The following TIFAB variants were observed in gnomAD, a reference collection of about 807,000 sequenced individuals.
The protein encoded by TIFAB is TRAF-interacting protein with FHA domain-containing protein B.
For synonymous variants in TIFAB, 116 were observed against 95.2 expected, an observed-to-expected ratio of 1.22 and a Z score of -1.27; for missense variants, 222 against 203.6, an observed-to-expected ratio of 1.09 and a Z score of -0.55.
chr5:135,447,394 G>A lies in TIFAB; in HGVS notation c.*2060C>T, dbSNP rs1769290563. The A allele has an allele frequency of 2.0e-6, 1 of 489,478 alleles. No homozygotes were observed. Among genetic ancestry groups the A allele is most frequent in the South Asian group, 2.3e-5 (1 of 44,104 alleles). The allele number at this position is 489,478 out of a possible 1,614,324, so 30.3% of individuals were successfully genotyped here. A position where few individuals can be genotyped will look rare whatever the true frequency, so the allele number is the denominator to read the frequency against. ...GAGTCTTCCTTAGCTCCGTGTGGAT[G>A]GTGAGCCCTCCTCTCTCAGGTCTCA... On this transcript the variant is annotated 3_prime_UTR_variant, in exon 2 of 2. Transcript: ENST00000537858.
rs1280603990 is a variant in TIFAB at position 135,447,205 on chromosome 5, T to G, written c.*2249A>C. 1 of 1,471,636 alleles carries G rather than the reference T, an allele frequency of 6.8e-7. No homozygotes were observed. Among genetic ancestry groups the G allele is most frequent in the Non-Finnish European group, 9.4e-7 (1 of 1,066,040 alleles). The allele number at this position is 1,471,636 out of a possible 1,614,324, so 91.2% of individuals were successfully genotyped here. Reference sequence around the variant, plus strand: ...TCTCCTTGCCAGCCCTACCAGGGCATCTCCCATTATACTAACCCTGCCTAT... The same window carrying G: ...TCTCCTTGCCAGCCCTACCAGGGCAGCTCCCATTATACTAACCCTGCCTAT... On this transcript the variant is annotated 3_prime_UTR_variant, in exon 2 of 2. Coordinates refer to ENST00000537858, the MANE Select transcript of TIFAB (RefSeq NM_001099221.2).
In TIFAB at chr5:135,444,316, C is replaced by G. The variant is rs6866579; in HGVS notation, c.*5138G>C. The G allele has an allele frequency of 6.6e-6, 1 of 152,200 alleles. No individual in the cohort carries two copies. Among genetic ancestry groups the G allele is most frequent in the Non-Finnish European group, 1.5e-5 (1 of 68,046 alleles). 9.4% of individuals were successfully genotyped at this position (152,200 alleles called of 1,614,324 possible). ...CAATTCAAATAGGGTTCATTAAATT[C>G]GGCATCTCCTCTTAACTGGGCTGGG... is the stretch of plus-strand genomic sequence containing the variant. On this transcript the variant is annotated 3_prime_UTR_variant, in exon 2 of 2. Transcript: ENST00000537858.
intron 1 of TIFAB, among the ~76,000 whole-genome samples, chr5:135,451,038 C>A (rs1230890795): frequency 6.6e-6 from 1 of 152,248 alleles, no homozygotes; most frequent in Non-Finnish European, 1.5e-5. Context: ...GAGTTCCTCT[C>A]TTCCTGCCCC....
Position 135,449,800 on chromosome 5 carries a change from T to A in TIFAB, c.140A>T (p.Gln47Leu), listed in dbSNP as rs771424117. The A allele has an allele frequency of 3.7e-6, 6 of 1,610,420 alleles. No homozygotes were observed. The highest frequency in any genetic ancestry group is 1.7e-5 in the Admixed American group (1 of 59,942). Residue 47 changes from glutamine (Q) to leucine (L), a missense_variant, in exon 2 of 2, where the codon CAG becomes CTG. Physicochemically the swap from Gln to Leu is moderately radical, Grantham distance 113. Transcript: ENST00000537858. ...LLGRGQDAHL[Q>L]LQLPRLSRRH... ...GCGGGAGAGGCGAGGGAGCTGCAGCTGGAGGTGGGCGTCCTGCCCCCGTCC... is the reference window on the plus strand; with the variant it reads ...GCGGGAGAGGCGAGGGAGCTGCAGCAGGAGGTGGGCGTCCTGCCCCCGTCC...
At position 135,447,580 on chromosome 5, in the gene TIFAB, A is replaced by C; in HGVS notation, c.*1874T>G. The C allele has an allele frequency of 5.8e-6, 1 of 173,692 alleles. No homozygotes were observed. Among genetic ancestry groups the C allele is most frequent in the Non-Finnish European group, 1.2e-5 (1 of 80,406 alleles). 10.8% of individuals were successfully genotyped at this position (173,692 alleles called of 1,614,324 possible). On this transcript the variant is annotated 3_prime_UTR_variant, in exon 2 of 2. Transcript: ENST00000537858. Reference sequence around the variant, plus strand: ...AAGAGCAGACTAAATCACTTGCCCAAATCGCATAGCTACTGATGGTGTGAT... The same window carrying C: ...AAGAGCAGACTAAATCACTTGCCCACATCGCATAGCTACTGATGGTGTGAT...
chr5:135,445,590 G>C lies in TIFAB; in HGVS notation c.*3864C>G, dbSNP rs1176665999. On this transcript the variant is annotated 3_prime_UTR_variant, in exon 2 of 2. Transcript: ENST00000537858. ...CGTCTGTGCATCTGTCCTCTGTTCA[G>C]CTCTGGAAAGGCCACCGGGAACACA... 1 of 152,338 alleles carries C rather than the reference G, an allele frequency of 6.6e-6. No homozygotes were observed. The highest frequency in any genetic ancestry group is 1.5e-5 in the Non-Finnish European group (1 of 68,176). 9.4% of individuals were successfully genotyped at this position (152,338 alleles called of 1,614,324 possible). A position where few individuals can be genotyped will look rare whatever the true frequency, so the allele number is the denominator to read the frequency against.
rs1173685527 is a variant in TIFAB at position 135,445,407 on chromosome 5, C to T, written c.*4047G>A. On this transcript the variant is annotated 3_prime_UTR_variant, in exon 2 of 2. Coordinates refer to ENST00000537858, the MANE Select transcript of TIFAB (RefSeq NM_001099221.2). ...CTACAGGAGGCAGAGACATTCACCT[C>T]CACTTCCTGTCTGCCCATGGCTTCG... 1 of 152,686 alleles carries T rather than the reference C, an allele frequency of 6.5e-6. No homozygotes were observed. The highest frequency in any genetic ancestry group is 2.4e-5 in the African/African-American group (1 of 41,472). 9.5% of individuals were successfully genotyped at this position (152,686 alleles called of 1,614,324 possible).
At position 135,449,345 on chromosome 5, in the gene TIFAB, G is replaced by T; in HGVS notation, c.*109C>A. 1 of 1,479,804 alleles carries T rather than the reference G, an allele frequency of 6.8e-7. No individual in the cohort carries two copies. The highest frequency in any genetic ancestry group is 9.1e-7 in the Non-Finnish European group (1 of 1,101,054). 91.7% of individuals were successfully genotyped at this position (1,479,804 alleles called of 1,614,324 possible). ...GCAGGGCTAGCAGAGTGCACTGTCT[G>T]GGGGTTCCCTCTGGAGCTGTATTTC... On this transcript the variant is annotated 3_prime_UTR_variant, in exon 2 of 2. Transcript: ENST00000537858.
Position 135,450,836 on chromosome 5 carries a change from C to T in TIFAB, c.-10-887G>A, listed in dbSNP as rs375515349. On this transcript the variant is annotated intron_variant, in intron 1 of 1. Transcript: ENST00000537858. ...CCCAAACTCTGTGTCCAAATACTGC[C>T]CACGGTTCAAGGCCCTGTTCAAGTG... The T allele has an allele frequency of 2.6e-5, 4 of 152,404 alleles. No individual in the cohort carries two copies. In the East Asian group the frequency reaches 5.8e-4, roughly 22 times the overall value. The allele number at this position is 152,404 out of a possible 1,614,324, so 9.4% of individuals were successfully genotyped here. A position where few individuals can be genotyped will look rare whatever the true frequency, so the allele number is the denominator to read the frequency against.
rs762180658 is a variant in TIFAB at position 135,449,652 on chromosome 5, C to G, written c.288G>C (p.Gln96His). Residue 96 changes from glutamine (Q) to histidine (H), a missense_variant, in exon 2 of 2, where the codon CAG (glutamine) becomes CAC (histidine). Physicochemically the swap from Gln to His is conservative, Grantham distance 24. Transcript: ENST00000537858. ...CCCTGTTGACGGTGCTCAGGGGGAC[C>G]TGCTCCAGGTACCTCAGCGTCAGCC... is the stretch of plus-strand genomic sequence containing the variant. Reference protein sequence around the residue: ...VNGLTLRYLEQVPLSTVNRVS... With the variant: ...VNGLTLRYLEHVPLSTVNRVS... 1.2e-6 allele frequency: 2 copies of G among 1,614,206 alleles called. No individual in the cohort carries two copies. The highest frequency in any genetic ancestry group is 1.7e-5 in the Admixed American group (1 of 60,032).
In TIFAB at chr5:135,447,126, G is replaced by T. The variant is rs973463151; in HGVS notation, c.*2328C>A. 1.9e-6 allele frequency: 3 copies of T among 1,613,800 alleles called. No homozygotes were observed. Among genetic ancestry groups the T allele is most frequent in the African/African-American group, 2.7e-5 (2 of 74,934 alleles). ...TAATGCATAGTTGGGGGACCATTTT[G>T]GTCAGTGACAGATCACTGCTGCTTT... is the stretch of plus-strand genomic sequence containing the variant. On this transcript the variant is annotated 3_prime_UTR_variant, in exon 2 of 2. Coordinates refer to ENST00000537858, the MANE Select transcript of TIFAB (RefSeq NM_001099221.2).
Position 135,449,336 on chromosome 5 carries a change from G to A in TIFAB, c.*118C>T. On this transcript the variant is annotated 3_prime_UTR_variant, in exon 2 of 2. Transcript: ENST00000537858. ...GCTCTAGTGGCAGGGCTAGCAGAGT[G>A]CACTGTCTGGGGGTTCCCTCTGGAG... is the stretch of plus-strand genomic sequence containing the variant. 2.1e-6 allele frequency: 3 copies of A among 1,396,432 alleles called. No individual in the cohort carries two copies. Among genetic ancestry groups the A allele is most frequent in the Non-Finnish European group, 2.9e-6 (3 of 1,038,406 alleles). 86.5% of individuals were successfully genotyped at this position (1,396,432 alleles called of 1,614,324 possible). A position where few individuals can be genotyped will look rare whatever the true frequency, so the allele number is the denominator to read the frequency against.
chr5:135,447,400 C>A lies in TIFAB; in HGVS notation c.*2054G>T. ...TCCTTAGCTCCGTGTGGATGGTGAG[C>A]CCTCCTCTCTCAGGTCTCATGATAG... On this transcript the variant is annotated 3_prime_UTR_variant, in exon 2 of 2. Transcript: ENST00000537858. 1 of 477,860 alleles carries A rather than the reference C, an allele frequency of 2.1e-6. No individual in the cohort carries two copies. Among genetic ancestry groups the A allele is most frequent in the Middle Eastern group, 5.8e-4 (1 of 1,718 alleles). The allele number at this position is 477,860 out of a possible 1,614,324, so 29.6% of individuals were successfully genotyped here. A position where few individuals can be genotyped will look rare whatever the true frequency, so the allele number is the denominator to read the frequency against.
In TIFAB at chr5:135,447,305, C is replaced by G. The variant is rs1014306949; in HGVS notation, c.*2149G>C. On this transcript the variant is annotated 3_prime_UTR_variant, in exon 2 of 2. Coordinates refer to ENST00000537858, the MANE Select transcript of TIFAB (RefSeq NM_001099221.2). ...CCAGGTCCGTGGCTACAACTAAATC[C>G]CTAGTTGGGGAATCACAGAGCACAG... The G allele has an allele frequency of 1.5e-6, 1 of 660,176 alleles. No individual in the cohort carries two copies. The highest frequency in any genetic ancestry group is 2.9e-5 in the Admixed American group (1 of 34,016). The allele number at this position is 660,176 out of a possible 1,614,324, so 40.9% of individuals were successfully genotyped here.
intron 1 of TIFAB, among the ~76,000 whole-genome samples, chr5:135,450,962 A>G (rs1467789137): frequency 6.6e-6 from 1 of 151,802 alleles, no homozygotes; most frequent in East Asian, 1.9e-4. Flanking sequence ...GGCCAACCTT[A>G]CTCTCCATTC....
At position 135,447,361 on chromosome 5, in the gene TIFAB, T is replaced by G; in HGVS notation, c.*2093A>C. ...CCCTTGGGTTCTGGAGCCAGCTTAC[T>G]GGGGTGTGAGTCTTCCTTAGCTCCG... On this transcript the variant is annotated 3_prime_UTR_variant, in exon 2 of 2. Transcript: ENST00000537858. 1 of 558,756 alleles carries G rather than the reference T, an allele frequency of 1.8e-6. No homozygotes were observed. The highest frequency in any genetic ancestry group is 3.2e-6 in the Non-Finnish European group (1 of 308,366). The allele number at this position is 558,756 out of a possible 1,614,324, so 34.6% of individuals were successfully genotyped here. A position where few individuals can be genotyped will look rare whatever the true frequency, so the allele number is the denominator to read the frequency against.
In TIFAB at chr5:135,447,132, T is replaced by G; in HGVS notation, c.*2322A>C. The stretch of plus-strand genomic sequence containing the variant: ...ATAGTTGGGGGACCATTTTGGTCAG[T>G]GACAGATCACTGCTGCTTTTCATCA... On this transcript the variant is annotated 3_prime_UTR_variant, in exon 2 of 2. Transcript: ENST00000537858. 1 of 1,613,908 alleles carries G rather than the reference T, an allele frequency of 6.2e-7. No individual in the cohort carries two copies. Among genetic ancestry groups the G allele is most frequent in the Non-Finnish European group, 8.5e-7 (1 of 1,179,882 alleles).
chr5:135,447,655 AG>A lies in TIFAB; in HGVS notation c.*1798del, dbSNP rs1769295430. 1 of 166,286 alleles carries A rather than the reference AG, an allele frequency of 6.0e-6. No homozygotes were observed. Among genetic ancestry groups the A allele is most frequent in the East Asian group, 1.8e-4 (1 of 5,442 alleles). 10.3% of individuals were successfully genotyped at this position (166,286 alleles called of 1,614,324 possible). On this transcript the variant is annotated 3_prime_UTR_variant, in exon 2 of 2. Coordinates refer to ENST00000537858, the MANE Select transcript of TIFAB (RefSeq NM_001099221.2). ...CAAGTCTCAGTTTCCTTATCTGTTAAGTGCAGTTAATACACACAGCACCTAG... is the reference window on the plus strand; with the variant it reads ...CAAGTCTCAGTTTCCTTATCTGTTAATGCAGTTAATACACACAGCACCTAG...
At position 135,447,370 on chromosome 5, in the gene TIFAB, A is replaced by T; in HGVS notation, c.*2084T>A. Reference sequence around the variant, plus strand: ...TCTGGAGCCAGCTTACTGGGGTGTGAGTCTTCCTTAGCTCCGTGTGGATGG... The same window carrying T: ...TCTGGAGCCAGCTTACTGGGGTGTGTGTCTTCCTTAGCTCCGTGTGGATGG... On this transcript the variant is annotated 3_prime_UTR_variant, in exon 2 of 2. Transcript: ENST00000537858. 1.9e-6 allele frequency: 1 copy of T among 538,746 alleles called. No individual in the cohort carries two copies. The highest frequency in any genetic ancestry group is 3.4e-6 in the Non-Finnish European group (1 of 297,152). The allele number at this position is 538,746 out of a possible 1,614,324, so 33.4% of individuals were successfully genotyped here.
Sources: gnomAD v4.1 joint callset for allele counts (sites outside exome capture counted in the v4.1 genomes callset) on GRCh38, gnomAD v4.1.1 for gene constraint, MANE v1.5 for transcripts, NCBI Gene and HGNC (gene_info 2026-07-23, HGNC 2026-07-21) for gene names.